The following FBXO36 variants were observed in gnomAD, a reference collection of about 807,000 sequenced individuals.
FBXO36 encodes F-box only protein 36.
Under a neutral mutation model 17.0 loss-of-function variants are expected in FBXO36, and 18 were observed. The ratio of observed to expected loss-of-function variants is 1.06; its 90% CI spans 0.73 to 1.57. The LOEUF (loss-of-function observed/expected upper bound fraction) is 1.57, where lower values mean the gene tolerates loss of function less well. Among genes scored for constraint, FBXO36 ranks in the 40% most tolerant of loss-of-function variants. The pLI, the probability that FBXO36 is intolerant of heterozygous loss-of-function variation, is 0.00. For synonymous variants in FBXO36, 83 were observed against 85.3 expected, an observed-to-expected ratio of 0.97 and a Z score of 0.15; for missense variants, 229 against 221.9, an observed-to-expected ratio of 1.03 and a Z score of -0.20.
In FBXO36 at chr2:229,960,642, C is replaced by T. The variant is rs959463060; in HGVS notation, c.97-15599C>T. On this transcript the variant is annotated intron_variant, in intron 1 of 3. Coordinates refer to ENST00000283946, the MANE Select transcript of FBXO36 (RefSeq NM_174899.5). ...AGTAGCTGAGACTACAGGCATGTGC[C>T]GCCATGCCTGGCTAATTTTTATTTT... Among the ~76,000 whole-genome samples the T allele has an allele frequency of 7.9e-5, 12 of 152,246 alleles. 1 individual carries two copies. The highest frequency in any genetic ancestry group is 6.8e-3 in the Middle Eastern group (2 of 294).
At chr2:229,931,698 G>C (rs1269034732) in intron 1 of FBXO36, among the ~76,000 whole-genome samples, 1 of 152,018 alleles carries the variant, frequency 6.6e-6, no homozygotes, top group East Asian at 1.9e-4. Context: ...AATGAGCTGG[G>C]TGTGGTAGTG....
At chr2:229,970,379 C>T (rs886993322) in intron 1 of FBXO36, among the ~76,000 whole-genome samples, 7 of 152,208 alleles carry the variant, frequency 4.6e-5, no homozygotes, top group African/African-American at 1.7e-4. Flanking sequence ...ATGTATATAT[C>T]TGTAATAGGC....
At chr2:229,931,918 A>AT (rs11441584) in intron 1 of FBXO36, among the ~76,000 whole-genome samples, 10,359 of 142,750 alleles carry the variant, frequency 0.073, 1,177 homozygotes, top group African/African-American at 0.23. Context: ...ATATGTGTAT[A>AT]TATTTTTTTT....
chr2:230,004,427 T>C (rs2077375736), intron 3 of FBXO36, among the ~76,000 whole-genome samples: 1 of 152,194 alleles, frequency 6.6e-6, no homozygotes, highest in Non-Finnish European at 1.5e-5. Context: ...ATGGTCAGAT[T>C]GGAAATGTTT....
intron 2 of FBXO36, among the ~76,000 whole-genome samples, chr2:229,985,471 T>G (rs1467229760): frequency 6.6e-6 from 1 of 152,194 alleles, no homozygotes; most frequent in South Asian, 2.1e-4. Context: ...CATTCCTAAC[T>G]AACACCTCTT....
intron 1 of FBXO36, among the ~76,000 whole-genome samples, chr2:229,972,233 G>A (rs534349799): frequency 1.4e-5 from 2 of 147,344 alleles, no homozygotes; most frequent in Admixed American, 6.8e-5. Context: ...CCTGACCTCA[G>A]GTGATCTGCC....
intron 1 of FBXO36, among the ~76,000 whole-genome samples, chr2:229,941,873 G>A (rs527921149): frequency 6.6e-5 from 10 of 152,184 alleles, no homozygotes; most frequent in East Asian, 3.9e-4. Context: ...AAAATTGGCC[G>A]GGTGTGGTGG....
At chr2:229,998,774 A>G (rs2077341161) in intron 3 of FBXO36, among the ~76,000 whole-genome samples, 1 of 151,936 alleles carries the variant, frequency 6.6e-6, no homozygotes, top group Non-Finnish European at 1.5e-5. Context: ...TGGACAACAG[A>G]ACAAAACCCT....
chr2:229,960,113 A>G (rs1274235590), intron 1 of FBXO36, among the ~76,000 whole-genome samples: 2 of 151,930 alleles, frequency 1.3e-5, no homozygotes, highest in Non-Finnish European at 2.9e-5. Context: ...ATTTATTATT[A>G]TTAAAATATT....
chr2:229,948,607 A>G (rs2077039527), intron 1 of FBXO36, among the ~76,000 whole-genome samples: 2 of 151,502 alleles, frequency 1.3e-5, no homozygotes, highest in South Asian at 4.2e-4. Context: ...AGGGAATGGC[A>G]GTGGAAGGGG....
chr2:229,923,855 T>G (rs1342622775), intron 1 of FBXO36, among the ~76,000 whole-genome samples: 2 of 140,442 alleles, frequency 1.4e-5, no homozygotes, highest in Non-Finnish European at 3.1e-5. Context: ...TTGTTTTTTT[T>G]TTTTTTTTTT....
chr2:229,962,568 C>G (rs1365184996), intron 1 of FBXO36, among the ~76,000 whole-genome samples: 1 of 140,148 alleles, frequency 7.1e-6, no homozygotes, highest in African/African-American at 2.8e-5. Context: ...TAGAGTTGCA[C>G]TGTGTTATCC....
At chr2:229,953,287 G>A (rs563693558) in intron 1 of FBXO36, among the ~76,000 whole-genome samples, 154 of 152,042 alleles carry the variant, frequency 1.0e-3, no homozygotes, top group Middle Eastern at 3.4e-3. Flanking sequence ...TGCAGTGAGC[G>A]GAGATTGCGC....
At chr2:230,002,335 G>A (rs2077363540) in intron 3 of FBXO36, among the ~76,000 whole-genome samples, 1 of 151,668 alleles carries the variant, frequency 6.6e-6, no homozygotes, top group African/African-American at 2.4e-5. Flanking sequence ...TTACTACACT[G>A]CATTTAGTAA....
At chr2:229,941,040 C>T (rs1001545427) in intron 1 of FBXO36, among the ~76,000 whole-genome samples, 1 of 152,134 alleles carries the variant, frequency 6.6e-6, no homozygotes, top group Admixed American at 6.6e-5. Flanking sequence ...CACAATCCCC[C>T]TGGCCTACTG....
rs370957305 is a variant in FBXO36 at position 229,922,523 on chromosome 2, T to C, written c.10T>C (p.Trp4Arg). The change falls in exon 1 of 4, where the codon TGG becomes CGG. Residue 4 changes from tryptophan to arginine, a missense_variant. Transcript: ENST00000283946. MASWLPETLFETVG... is the reference protein window; with the variant it reads MASRLPETLFETVG... ...GCGGTGGCGTCCCAAGATGGCGTCG[T>C]GGCTGCCGGAGACTCTCTTTGAAAC... The C allele has an allele frequency of 1.8e-5, 29 of 1,613,798 alleles. No individual in the cohort carries two copies. In the African/African-American group the frequency reaches 3.5e-4, roughly 19 times the overall value.
At chr2:229,929,426 C>T (rs183286193) in intron 1 of FBXO36, among the ~76,000 whole-genome samples, 3 of 151,960 alleles carry the variant, frequency 2.0e-5, no homozygotes, top group East Asian at 1.9e-4. Context: ...ATTAGCCAGG[C>T]GTGGGAGCGG....
intron 1 of FBXO36, among the ~76,000 whole-genome samples, chr2:229,966,622 A>G (rs1434736257): frequency 1.5e-4 from 23 of 152,184 alleles, no homozygotes; most frequent in Non-Finnish European, 3.1e-4. Context: ...TCCCAGCACC[A>G]TTTGTTAAAT....
intron 1 of FBXO36, among the ~76,000 whole-genome samples, chr2:229,973,917 G>C (rs1336222272): frequency 1.3e-5 from 2 of 151,392 alleles, no homozygotes; most frequent in East Asian, 3.9e-4. Flanking sequence ...TGTGGTGGTG[G>C]CACGCGCCTG....
Sources: gnomAD v4.1 joint callset for allele counts (sites outside exome capture counted in the v4.1 genomes callset) on GRCh38, gnomAD v4.1.1 for gene constraint, MANE v1.5 for transcripts, NCBI Gene and HGNC (gene_info 2026-07-23, HGNC 2026-07-21) for gene names.